CAMTA1: variants seen among roughly 807,000 people sequenced by gnomAD.
CAMTA1 encodes calmodulin binding transcription activator 1.
In CAMTA1, 27 loss-of-function variants were observed where a neutral mutation model predicts 170.9. The ratio of observed to expected loss-of-function variants is 0.16; its 90% CI spans 0.12 to 0.22. The LOEUF (loss-of-function observed/expected upper bound fraction) is 0.22. Among genes scored for constraint, CAMTA1 ranks in the 10% least tolerant of loss-of-function variants. The probability of loss-of-function intolerance (pLI) is 1.00; values close to 1 mark genes in which losing one functional copy is unlikely to be tolerated. For synonymous variants in CAMTA1, 833 were observed against 891.5 expected, an observed-to-expected ratio of 0.93 and a Z score of 1.17; for missense variants, 1,619 against 2,217.2, an observed-to-expected ratio of 0.73 and a Z score of 5.42.
At chr1:7,744,295 C>T (rs549032226) in intron 16 of CAMTA1, among the ~76,000 whole-genome samples, 1 of 151,884 alleles carries the variant, frequency 6.6e-6, no homozygotes, top group East Asian at 1.9e-4. Flanking sequence ...CCATACCTGG[C>T]TAATTTTTGT....
chr1:7,768,790 C>A lies in CAMTA1; in HGVS notation c.*2299C>A, dbSNP rs766799719. The A allele has an allele frequency of 6.6e-6, 1 of 152,506 alleles. No individual in the cohort carries two copies. The highest frequency in any genetic ancestry group is 1.5e-5 in the Non-Finnish European group (1 of 68,008). The allele number at this position is 152,506 out of a possible 1,614,324, so 9.4% of individuals were successfully genotyped here. A position where few individuals can be genotyped will look rare whatever the true frequency, so the allele number is the denominator to read the frequency against. On this transcript the variant is annotated 3_prime_UTR_variant, in exon 23 of 23. Transcript: ENST00000303635. ...TGCAGCTGTTGCAGTCCCCCAGATA[C>A]CTATTATTTTACACAATTTGACCTA...
At position 6,855,018 on chromosome 1, in the gene CAMTA1, G is replaced by A. The variant is rs551702170; in HGVS notation, c.234+29808G>A. Among the ~76,000 whole-genome samples, 3 of 152,124 alleles carry A rather than the reference G, an allele frequency of 2.0e-5. No homozygotes were observed. In the East Asian group the frequency reaches 5.8e-4, roughly 29 times the overall value. ...CTGGAAGTCCTACCTAGTTGAGTAT[G>A]GCAAGAAAAATAGTACAGGGATGAG... On this transcript the variant is annotated intron_variant, in intron 3 of 22. Coordinates refer to ENST00000303635, the MANE Select transcript of CAMTA1 (RefSeq NM_015215.4).
At chr1:7,186,331 A>G (rs1653261620) in intron 4 of CAMTA1, among the ~76,000 whole-genome samples, 1 of 152,232 alleles carries the variant, frequency 6.6e-6, no homozygotes, top group Non-Finnish European at 1.5e-5. Context: ...GGCTAGTATA[A>G]TATCTTTCTT....
intron 3 of CAMTA1, among the ~76,000 whole-genome samples, chr1:6,861,816 C>T (rs1294261533): frequency 6.6e-6 from 1 of 152,184 alleles, no homozygotes; most frequent in African/African-American, 2.4e-5. Context: ...GAACTCTTCT[C>T]ATCTTGTAAA....
intron 5 of CAMTA1, among the ~76,000 whole-genome samples, chr1:7,274,764 GAATA>G (rs2149421724): frequency 6.6e-6 from 1 of 152,096 alleles, no homozygotes; most frequent in Non-Finnish European, 1.5e-5. Flanking sequence ...TTCAATAGCA[GAATA>G]AATATCTGAA....
chr1:7,229,896 G>A (rs796390113), intron 4 of CAMTA1, among the ~76,000 whole-genome samples: 84 of 152,276 alleles, frequency 5.5e-4, no homozygotes, highest in African/African-American at 1.9e-3. Flanking sequence ...TTGGTGAGAA[G>A]TGAGGCCTGG....
intron 4 of CAMTA1, among the ~76,000 whole-genome samples, chr1:7,239,869 G>A (rs927878238): frequency 3.3e-5 from 5 of 151,856 alleles, no homozygotes; most frequent in African/African-American, 9.7e-5. Context: ...GGGCAAGAAT[G>A]AGAGAATGAG....
At position 7,609,968 on chromosome 1, in the gene CAMTA1, C is replaced by T. The variant is rs34781234; in HGVS notation, c.511-30432C>T. On this transcript the variant is annotated intron_variant, in intron 6 of 22. Coordinates refer to ENST00000303635, the MANE Select transcript of CAMTA1 (RefSeq NM_015215.4). The surrounding 1 kb of genome is among the most constrained non-coding windows in gnomAD (Gnocchi z 4.4). Reference sequence around the variant, plus strand: ...CTGTGGGGTCTCCAAGTCTCTTTACCTGAAATACAGCACCTGCCGGGTCTG... The same window carrying T: ...CTGTGGGGTCTCCAAGTCTCTTTACTTGAAATACAGCACCTGCCGGGTCTG... Among the ~76,000 whole-genome samples the T allele has an allele frequency of 6.6e-6, 1 of 152,184 alleles. No individual in the cohort carries two copies. The highest frequency in any genetic ancestry group is 2.4e-5 in the African/African-American group (1 of 41,450).
In CAMTA1 at chr1:7,435,909, G is replaced by A. The variant is rs1353575382; in HGVS notation, c.439-31921G>A. 6.6e-6 allele frequency among the ~76,000 whole-genome samples: 1 copy of A among 152,150 alleles called. No homozygotes were observed. The highest frequency in any genetic ancestry group is 2.4e-5 in the African/African-American group (1 of 41,434). On this transcript the variant is annotated intron_variant, in intron 5 of 22. Transcript: ENST00000303635. The surrounding 1 kb of genome is among the most constrained non-coding windows in gnomAD (Gnocchi z 4.4). ...GGGCCTGGCTGTGCTGCACCCTGGGGAAGATACTGTCTTAGGTACAAGAGG... is the reference window on the plus strand; with the variant it reads ...GGGCCTGGCTGTGCTGCACCCTGGGAAAGATACTGTCTTAGGTACAAGAGG...
chr1:7,647,714 C>T (rs1193246624), intron 7 of CAMTA1, among the ~76,000 whole-genome samples: 2 of 152,178 alleles, frequency 1.3e-5, no homozygotes, highest in Non-Finnish European at 2.9e-5. Context: ...CTGGGGACGG[C>T]GGGCTGGGAG....
intron 6 of CAMTA1, among the ~76,000 whole-genome samples, chr1:7,568,468 ACAACCATCATCAAC>A (rs1348014405): frequency 9.8e-6 from 1 of 102,152 alleles, no homozygotes; most frequent in Non-Finnish European, 2.1e-5. Flanking sequence ...ATCACCACCA[ACAACCATCATCAAC>A]ATCACCATCA....
chr1:7,542,925 C>T (rs192185581), intron 6 of CAMTA1, among the ~76,000 whole-genome samples: 6 of 150,564 alleles, frequency 4.0e-5, no homozygotes, highest in East Asian at 2.0e-4. Flanking sequence ...AGTGCAGTGG[C>T]GCGATCTCGG....
chr1:7,232,774 G>A (rs1439562498), intron 4 of CAMTA1, among the ~76,000 whole-genome samples: 1 of 152,168 alleles, frequency 6.6e-6, no homozygotes, highest in Non-Finnish European at 1.5e-5. Context: ...GAAGAACAAA[G>A]CGCATTAAGA....
intron 3 of CAMTA1, among the ~76,000 whole-genome samples, chr1:6,979,319 G>A (rs899880114): frequency 9.9e-5 from 15 of 152,118 alleles, no homozygotes; most frequent in East Asian, 1.9e-4. Context: ...GGCAGCTGCC[G>A]CCTCCTCCAA....
intron 9 of CAMTA1, among the ~76,000 whole-genome samples, chr1:7,670,225 AG>A (rs1488920366): frequency 2.0e-5 from 3 of 152,094 alleles, no homozygotes; most frequent in Non-Finnish European, 2.9e-5. Context: ...GGGTTGGGGG[AG>A]GGGGCAGATG....
intron 5 of CAMTA1, among the ~76,000 whole-genome samples, chr1:7,290,611 G>A (rs1022370480): frequency 6.6e-6 from 1 of 152,120 alleles, no homozygotes; most frequent in African/African-American, 2.4e-5. Flanking sequence ...CTTCCTGCGT[G>A]TATTGACACA....
At chr1:7,401,617 A>G (rs948454459) in intron 5 of CAMTA1, among the ~76,000 whole-genome samples, 22 of 152,150 alleles carry the variant, frequency 1.4e-4, no homozygotes, top group Admixed American at 1.1e-3. Flanking sequence ...CTTCACATCA[A>G]CATGGTATGT....
chr1:7,182,325 G>T (rs1006139305), intron 4 of CAMTA1, among the ~76,000 whole-genome samples: 2 of 152,080 alleles, frequency 1.3e-5, no homozygotes, highest in African/African-American at 4.8e-5. Context: ...TGGATTGCTT[G>T]AGCCCAGGAG....
At chr1:7,282,685 T>C (rs1671690335) in intron 5 of CAMTA1, among the ~76,000 whole-genome samples, 1 of 151,092 alleles carries the variant, frequency 6.6e-6, no homozygotes, top group Non-Finnish European at 1.5e-5. Flanking sequence ...GAAAGGAGAG[T>C]TGGGGCTGCC....
Sources: allele counts gnomAD v4.1 joint callset (sites outside exome capture counted in the v4.1 genomes callset), GRCh38; gene constraint gnomAD v4.1.1; non-coding constraint Gnocchi (gnomAD v3.1); transcripts MANE v1.5; gene names NCBI Gene and HGNC (gene_info 2026-07-23, HGNC 2026-07-21).